Variants in SRGAP1 observed in about 807,000 individuals in gnomAD.
SRGAP1 encodes the protein SLIT-ROBO Rho GTPase-activating protein 1.
A neutral mutation model predicts 121.9 loss-of-function variants in SRGAP1; 43 were observed. The ratio of observed to expected loss-of-function variants is 0.35; its 90% CI spans 0.28 to 0.46. The LOEUF (loss-of-function observed/expected upper bound fraction) is 0.46. Among genes scored for constraint, SRGAP1 ranks in the 20% least tolerant of loss-of-function variants. The probability of loss-of-function intolerance (pLI) is 1.00; values close to 1 mark genes in which losing one functional copy is unlikely to be tolerated. For synonymous variants in SRGAP1, 447 were observed against 485.4 expected, an observed-to-expected ratio of 0.92 and a Z score of 1.04; for missense variants, 1,102 against 1,350.9, an observed-to-expected ratio of 0.82 and a Z score of 2.89.
chr12:64,055,468 A>G (rs928660510), intron 6 of SRGAP1, among the ~76,000 whole-genome samples: 19 of 151,826 alleles, frequency 1.3e-4, no homozygotes, highest in African/African-American at 4.6e-4. Flanking sequence ...CCATAAAGCT[A>G]CCAATGCCTT....
chr12:64,012,803 G>A (rs1325681372), intron 3 of SRGAP1, among the ~76,000 whole-genome samples: 5 of 151,636 alleles, frequency 3.3e-5, no homozygotes, highest in East Asian at 1.9e-4. Flanking sequence ...TGCCCACCTC[G>A]GCCTCCCAAA....
chr12:63,985,106 G>A (rs1036113819), intron 2 of SRGAP1, among the ~76,000 whole-genome samples: 7 of 152,102 alleles, frequency 4.6e-5, no homozygotes, highest in African/African-American at 1.7e-4. Flanking sequence ...GGGGAAGGCG[G>A]GGGAGACCCT....
Position 64,160,698 on chromosome 12 carries a change from A to C in SRGAP1, c.*18026A>C, listed in dbSNP as rs948299732. ...CCGATAACTTCAAGCTAAACATTCA[A>C]TATCAGTATGGTAGGTGAGGAAGAT... On this transcript the variant is annotated 3_prime_UTR_variant, in exon 22 of 22. Coordinates refer to ENST00000355086, the MANE Select transcript of SRGAP1 (RefSeq NM_020762.4). 1 of 152,152 alleles carries C rather than the reference A, an allele frequency of 6.6e-6. No homozygotes were observed. Among genetic ancestry groups the C allele is most frequent in the African/African-American group, 2.4e-5 (1 of 41,432 alleles). The allele number at this position is 152,152 out of a possible 1,614,324, so 9.4% of individuals were successfully genotyped here.
chr12:64,096,474 T>C (rs1366933985), intron 14 of SRGAP1, among the ~76,000 whole-genome samples: 1 of 152,196 alleles, frequency 6.6e-6, no homozygotes, highest in Non-Finnish European at 1.5e-5. Flanking sequence ...TCTTAAGGAT[T>C]TTATCTCTAG....
intron 15 of SRGAP1, among the ~76,000 whole-genome samples, chr12:64,103,471 T>TG (rs2036291877): frequency 6.6e-6 from 1 of 152,238 alleles, no homozygotes; most frequent in Non-Finnish European, 1.5e-5. Context: ...AATACTATGA[T>TG]GAGCTTCTTA....
At chr12:64,100,850 A>G (rs1475424741) in intron 15 of SRGAP1, among the ~76,000 whole-genome samples, 1 of 151,968 alleles carries the variant, frequency 6.6e-6, no homozygotes, top group Non-Finnish European at 1.5e-5. Flanking sequence ...TTTTTCCTGG[A>G]TTTTCAATAA....
At chr12:64,086,881 A>G in intron 10 of SRGAP1, 118 bp from the exon 11 acceptor site, 1 of 706,254 alleles carries the variant, frequency 1.4e-6, no homozygotes. Context: ...CTGCCATAAA[A>G]ACGTGTAAGT....
chr12:64,115,680 G>A (rs1342980077), intron 17 of SRGAP1, 134 bp from the exon 18 acceptor site: 1 of 616,454 alleles, frequency 1.6e-6, no homozygotes, highest in African/African-American at 1.9e-5. Flanking sequence ...AGGATCACTT[G>A]AGCCTGGGAG....
rs2037085504 is a variant in SRGAP1 at position 64,148,528 on chromosome 12, T to C, written c.*5856T>C. The C allele has an allele frequency of 6.7e-6, 1 of 148,672 alleles. No homozygotes were observed. The highest frequency in any genetic ancestry group is 1.5e-5 in the Non-Finnish European group (1 of 67,982). The allele number at this position is 148,672 out of a possible 1,614,324, so 9.2% of individuals were successfully genotyped here. A position where few individuals can be genotyped will look rare whatever the true frequency, so the allele number is the denominator to read the frequency against. ...AACTCCTGACCTAAAGTGATCTATC[T>C]ACCTGCCTCAGCCTCCCAAGTGCTG... On this transcript the variant is annotated 3_prime_UTR_variant, in exon 22 of 22. Transcript: ENST00000355086.
chr12:64,067,402 C>G (rs530663064), intron 8 of SRGAP1, among the ~76,000 whole-genome samples: 4 of 151,868 alleles, frequency 2.6e-5, no homozygotes, highest in Non-Finnish European at 5.9e-5. Flanking sequence ...AGAGCAGGAC[C>G]CTGTCTCTTA....
At chr12:63,935,323 C>T (rs1357762069) in intron 1 of SRGAP1, among the ~76,000 whole-genome samples, 2 of 152,050 alleles carry the variant, frequency 1.3e-5, no homozygotes, top group African/African-American at 4.8e-5. Context: ...ATAAATTAGT[C>T]GAAGACCATT....
intron 1 of SRGAP1, among the ~76,000 whole-genome samples, chr12:63,980,254 A>G (rs1014424286): frequency 2.6e-5 from 4 of 152,106 alleles, no homozygotes; most frequent in East Asian, 1.9e-4. Flanking sequence ...GGGTCTCCCT[A>G]TCTTGCCCAG....
chr12:64,001,163 G>A (rs1372910994), intron 3 of SRGAP1, among the ~76,000 whole-genome samples: 1 of 152,014 alleles, frequency 6.6e-6, no homozygotes, highest in African/African-American at 2.4e-5. Context: ...ACACAGATTA[G>A]GTCTTATATA....
At chr12:64,118,193 A>T (rs2036552019) in intron 18 of SRGAP1, among the ~76,000 whole-genome samples, 1 of 152,192 alleles carries the variant, frequency 6.6e-6, no homozygotes. Flanking sequence ...CAGATGTGCC[A>T]TTTTGTGTTC....
intron 1 of SRGAP1, among the ~76,000 whole-genome samples, chr12:63,889,050 C>T (rs1172231353): frequency 1.3e-5 from 2 of 152,190 alleles, no homozygotes; most frequent in Admixed American, 1.3e-4. Flanking sequence ...GCTTTGTTTT[C>T]TGTAGCCCTT....
chr12:63,901,060 A>G (rs1248043769), intron 1 of SRGAP1, among the ~76,000 whole-genome samples: 2 of 151,452 alleles, frequency 1.3e-5, no homozygotes, highest in Non-Finnish European at 1.5e-5. Flanking sequence ...GTGGCTGTTC[A>G]GTCATTTATT....
chr12:64,041,090 G>C (rs894775139), intron 4 of SRGAP1, among the ~76,000 whole-genome samples: 1 of 151,828 alleles, frequency 6.6e-6, no homozygotes, highest in African/African-American at 2.4e-5. Context: ...ATTTCTAAGA[G>C]AATAAATTAG....
intron 4 of SRGAP1, among the ~76,000 whole-genome samples, chr12:64,041,874 TATATTATTATTA>T (rs915374630): frequency 6.9e-5 from 7 of 102,096 alleles, no homozygotes; most frequent in African/African-American, 2.6e-4. Flanking sequence ...TATTTTCTTT[TATATTATTATTA>T]TTATTATTAT....
At chr12:63,872,495 C>T (rs968603772) in intron 1 of SRGAP1, among the ~76,000 whole-genome samples, 2 of 152,100 alleles carry the variant, frequency 1.3e-5, no homozygotes, top group Non-Finnish European at 2.9e-5. Flanking sequence ...TTTTTCCCTT[C>T]CAAGTAGACA....
Sources: allele counts gnomAD v4.1 joint callset (sites outside exome capture counted in the v4.1 genomes callset), GRCh38; gene constraint gnomAD v4.1.1; transcripts MANE v1.5; gene names NCBI Gene and HGNC (gene_info 2026-07-23, HGNC 2026-07-21).